The following CIART variants were observed in gnomAD, a reference collection of about 807,000 sequenced individuals.
CIART encodes circadian associated repressor of transcription, also known as circadian-associated transcriptional repressor.
In CIART, 7 loss-of-function variants were observed where a neutral mutation model predicts 22.1. That is an observed-to-expected ratio of 0.32 (90% CI 0.18 to 0.59). The LOEUF is 0.59. CIART is among the 20% of genes least tolerant of loss of function. CIART has a pLI of 0.86. For synonymous variants in CIART, 163 were observed against 174.6 expected (o/e 0.93, Z 0.53); for missense variants, 440 against 478.0 (o/e 0.92, Z 0.74).
chr1:150,284,002 C>CTTTATT (rs3054393), intron 2 of CIART, 122 bp downstream of exon 2: 11,040 of 519,774 alleles, frequency 0.021, 635 homozygotes, highest in African/African-American at 0.16. Flanking sequence ...GCTACTATGA[C>CTTTATT]TTTATTATTA....
intron 2 of CIART, 100 bp from the exon 3 acceptor site, chr1:150,284,326 A>AT: frequency 1.6e-6 from 2 of 1,224,740 alleles, no homozygotes; most frequent in Non-Finnish European, 2.4e-6. Flanking sequence ...GCCCGACTTA[A>AT]TTTTTTTAGA....
chr1:150,283,722 C>G (rs1445859856), intron 1 of CIART, 83 bp from the exon 2 acceptor site: 2 of 1,560,734 alleles, frequency 1.3e-6, no homozygotes, highest in East Asian at 4.5e-5. Flanking sequence ...GTATTGACTC[C>G]CAGATTTGGA....
intron 2 of CIART, among the ~76,000 whole-genome samples, chr1:150,284,090 T>C (rs1397277144): frequency 5.3e-5 from 8 of 152,006 alleles, no homozygotes; most frequent in African/African-American, 1.9e-4. Flanking sequence ...CGATCTCGGC[T>C]CACTGCAACT....
intron 2 of CIART, 137 bp downstream of exon 2, chr1:150,284,017 T>C (rs587615910): frequency 6.9e-5 from 32 of 464,880 alleles, no homozygotes; most frequent in Non-Finnish European, 1.0e-4. Context: ...TTATTATTAT[T>C]ATTATTATTA....
rs868949536 is a variant in CIART, at chr1:150,284,505, G to T, written c.521+1G>T. The T allele has an allele frequency of 6.2e-7, 1 of 1,608,006 alleles. No individual in the cohort carries two copies. Among genetic ancestry groups the T allele is most frequent in the Non-Finnish European group, 8.5e-7 (1 of 1,174,388 alleles). ...GTGTTTTGCAGAAGCCACAGATGGGGTAAGTCCCGCTGGTTCTTTGCTTGG... is the reference window on the plus strand; with the variant it reads ...GTGTTTTGCAGAAGCCACAGATGGGTTAAGTCCCGCTGGTTCTTTGCTTGG... On this transcript the variant is annotated splice_donor_variant, in intron 3 of 4. Coordinates refer to ENST00000290363, the MANE Select transcript of CIART (RefSeq NM_144697.4). LOFTEE classifies it high-confidence loss of function.
In CIART at chr1:150,282,706, G is replaced by A. The variant is rs1353556349; in HGVS notation, c.-562G>A. 6.5e-6 allele frequency: 1 copy of A among 152,778 alleles called. No individual in the cohort carries two copies. The highest frequency in any genetic ancestry group is 1.5e-5 in the Non-Finnish European group (1 of 68,368). The allele number at this position is 152,778 out of a possible 1,614,324, so 9.5% of individuals were successfully genotyped here. A position where few individuals can be genotyped will look rare whatever the true frequency, so the allele number is the denominator to read the frequency against. The stretch of plus-strand genomic sequence containing the variant: ...GAATGCAGATCTTGGTATTGGGAGG[G>A]TTTGCATCACGTGGCAGGTGCGAGC... On this transcript the variant is annotated 5_prime_UTR_variant, in exon 1 of 5. Transcript: ENST00000290363.
chr1:150,285,409 G>GTC (rs1653431986), intron 4 of CIART: 2 of 152,212 alleles, frequency 1.3e-5, no homozygotes, highest in African/African-American at 4.8e-5. Flanking sequence ...GGTGGCGCAC[G>GTC]CCTGTAGTCT....
chr1:150,287,069 T>A lies in CIART; in HGVS notation c.*115T>A. On this transcript the variant is annotated 3_prime_UTR_variant, in exon 5 of 5. Transcript: ENST00000290363. ...TTGAGGGAAGATAAATCCTTTCTGA[T>A]TAAAGAAATTTTTTTATACCTAAAC... 1 of 1,111,978 alleles carries A rather than the reference T, an allele frequency of 9.0e-7. No homozygotes were observed. Among genetic ancestry groups the A allele is most frequent in the East Asian group, 2.9e-5 (1 of 34,132 alleles). 68.9% of individuals were successfully genotyped at this position (1,111,978 alleles called of 1,614,324 possible).
rs1553854265 is a variant in CIART, at chr1:150,284,621, A to G, written c.546A>G (p.Leu182=). The G allele has an allele frequency of 6.2e-7, 1 of 1,613,594 alleles. No homozygotes were observed. ...GGGAACGTTACCTAGGAACCTTGCT[A>G]CAGGTAGAAGGGATGTTAAAGACTT... ...QMGERYLGTL[L]QVEGMLKTWF... is the part of the protein sequence containing the mutation. The change falls in exon 4 of 5, where the codon CTA becomes CTG. Residue 182 remains leucine, a synonymous_variant. Coordinates refer to ENST00000290363, the MANE Select transcript of CIART (RefSeq NM_144697.4).
Position 150,283,254 on chromosome 1 carries a change from C to T in CIART, c.-14C>T. 1 of 1,512,158 alleles carries T rather than the reference C, an allele frequency of 6.6e-7. No homozygotes were observed. The highest frequency in any genetic ancestry group is 8.8e-7 in the Non-Finnish European group (1 of 1,130,916). The allele number at this position is 1,512,158 out of a possible 1,614,324, so 93.7% of individuals were successfully genotyped here. On this transcript the variant is annotated 5_prime_UTR_variant, in exon 1 of 5. Transcript: ENST00000290363. The stretch of plus-strand genomic sequence containing the variant: ...TACTCCAGGAGCTGTTCTATAGCCC[C>T]TGCTTCTGGACCTATGGATTCTCCA...
At chr1:150,286,362 G>C (rs1192204618) in intron 4 of CIART, 68 bp from the exon 5 acceptor site, 1 of 1,389,070 alleles carries the variant, frequency 7.2e-7, no homozygotes, top group Non-Finnish European at 1.0e-6. Context: ...AAAGGTTTAA[G>C]TAACCAGGTG....
Position 150,286,773 on chromosome 1 carries a change from T to C in CIART, c.977T>C (p.Met326Thr). The part of the protein sequence containing the change: ...TASPVIPGEP[M>T]KLSGEGPRCY... Reference sequence around the variant, plus strand: ...TCTCCTGTCATCCCTGGTGAGCCTATGAAACTATCTGGAGAGGGTCCTCGT... The same window carrying C: ...TCTCCTGTCATCCCTGGTGAGCCTACGAAACTATCTGGAGAGGGTCCTCGT... The change falls in exon 5 of 5, where the codon ATG (methionine) becomes ACG (threonine). Residue 326 changes from methionine to threonine, a missense_variant. By Grantham distance (81) the Met-to-Thr change is moderately conservative. Transcript: ENST00000290363. The C allele has an allele frequency of 6.2e-7, 1 of 1,613,534 alleles. No individual in the cohort carries two copies. Among genetic ancestry groups the C allele is most frequent in the Non-Finnish European group, 8.5e-7 (1 of 1,179,440 alleles).
At chr1:150,283,713 T>TATTG in intron 1 of CIART, 80 bp downstream of exon 1, 1 of 1,564,670 alleles carries the variant, frequency 6.4e-7, no homozygotes, top group Non-Finnish European at 8.8e-7. Context: ...GTGAGGACAG[T>TATTG]ATTGACTCCC....
Position 150,283,307 on chromosome 1 carries a change from T to C in CIART, c.40T>C (p.Ser14Pro). The C allele has an allele frequency of 6.5e-7, 1 of 1,534,024 alleles. No homozygotes were observed. The highest frequency in any genetic ancestry group is 1.3e-5 in the South Asian group (1 of 77,154). Residue 14 changes from serine to proline, a missense_variant, in exon 1 of 5, where the codon TCT (serine) becomes CCT (proline). Physicochemically the swap from Ser to Pro is moderately conservative, Grantham distance 74. Coordinates refer to ENST00000290363, the MANE Select transcript of CIART (RefSeq NM_144697.4). ...TAGCGTTTCTTCCTATTCCTCCTAC[T>C]CTCTCTCTTCGTCTTTTCCCACCTC... is the stretch of plus-strand genomic sequence containing the variant. ...PSSVSSYSSY[S>P]LSSSFPTSPV...
In CIART at chr1:150,283,642, A is replaced by G. The variant is rs1653290468; in HGVS notation, c.366+9A>G. ...TGCTGTTTGCCCAGAAGGTAAGAGAAAGCAGGTGAAAGGAGATTCTCCTGG... is the reference window on the plus strand; with the variant it reads ...TGCTGTTTGCCCAGAAGGTAAGAGAGAGCAGGTGAAAGGAGATTCTCCTGG... On this transcript the variant is annotated intron_variant, in intron 1 of 4. Coordinates refer to ENST00000290363, the MANE Select transcript of CIART (RefSeq NM_144697.4). The G allele has an allele frequency of 6.2e-7, 1 of 1,612,550 alleles. No individual in the cohort carries two copies. The highest frequency in any genetic ancestry group is 2.2e-5 in the East Asian group (1 of 44,868).
chr1:150,286,818 C>A lies in CIART; in HGVS notation c.1022C>A (p.Thr341Asn). Residue 341 changes from threonine (T) to asparagine (N), a missense_variant, in exon 5 of 5, where the codon ACT becomes AAT. By Grantham distance (65) the Thr-to-Asn change is moderately conservative (BLOSUM62 0). Coordinates refer to ENST00000290363, the MANE Select transcript of CIART (RefSeq NM_144697.4). ...CCTCGTTGCTACAGTTTGCCAGTAACTCTGCCATCAGACTGGAGCTATACC... is the reference window on the plus strand; with the variant it reads ...CCTCGTTGCTACAGTTTGCCAGTAAATCTGCCATCAGACTGGAGCTATACC... ...EGPRCYSLPVTLPSDWSYTLS... is the reference protein window; with the variant it reads ...EGPRCYSLPVNLPSDWSYTLS... 1 of 1,613,790 alleles carries A rather than the reference C, an allele frequency of 6.2e-7. No individual in the cohort carries two copies. The highest frequency in any genetic ancestry group is 8.5e-7 in the Non-Finnish European group (1 of 1,179,740).
At chr1:150,284,121 G>A (rs1368118310) in intron 2 of CIART, among the ~76,000 whole-genome samples, 2 of 151,880 alleles carry the variant, frequency 1.3e-5, no homozygotes, top group Admixed American at 6.6e-5. Context: ...GGGTTCAAGC[G>A]ATTCTCCTGC....
At chr1:150,283,664 C>T in intron 1 of CIART, 31 bp downstream of exon 1, 2 of 1,608,820 alleles carry the variant, frequency 1.2e-6, no homozygotes, top group Middle Eastern at 1.7e-4. Flanking sequence ...GGAGATTCTC[C>T]TGGAGTGCCT....
rs782520241 is a variant in CIART at position 150,283,421 on chromosome 1, A to T, written c.154A>T (p.Arg52Trp). The stretch of plus-strand genomic sequence containing the variant: ...GCCCAGGCCAGACACTGTTGGGCAG[A>T]GGGGAGGTTCACGGCCCAGCCCGGG... ...HGPRPDTVGQ[R>W]GGSRPSPGPI... Residue 52 changes from arginine (R) to tryptophan (W), a missense_variant, in exon 1 of 5, where the codon AGG becomes TGG. Arg to Trp is a moderately radical substitution (Grantham distance 101). Coordinates refer to ENST00000290363, the MANE Select transcript of CIART (RefSeq NM_144697.4). 1 of 1,614,182 alleles carries T rather than the reference A, an allele frequency of 6.2e-7. No homozygotes were observed. The highest frequency in any genetic ancestry group is 2.2e-5 in the East Asian group (1 of 44,882).
Sources: gnomAD v4.1 joint callset for allele counts (sites outside exome capture counted in the v4.1 genomes callset) on GRCh38, gnomAD v4.1.1 for gene constraint, MANE v1.5 for transcripts, NCBI Gene and HGNC (gene_info 2026-07-23, HGNC 2026-07-21) for gene names.